Variants in RAB22A observed in about 807,000 individuals in gnomAD.
RAB22A encodes RAB22A, member RAS oncogene family, also known as ras-related protein Rab-22A.
Under a neutral mutation model 30.2 loss-of-function variants are expected in RAB22A, and 13 were observed. The ratio of observed to expected loss-of-function variants is 0.43; its 90% CI spans 0.28 to 0.68. The LOEUF is 0.68. Ranked by LOEUF, RAB22A falls within the 30% of genes least tolerant of loss-of-function variation. The probability of loss-of-function intolerance (pLI) is 0.18; values close to 1 mark genes in which losing one functional copy is unlikely to be tolerated. For synonymous variants in RAB22A, 89 were observed against 87.2 expected, an observed-to-expected ratio of 1.02 and a Z score of -0.11; for missense variants, 177 against 246.8, an observed-to-expected ratio of 0.72 and a Z score of 1.89.
intron 3 of RAB22A, among the ~76,000 whole-genome samples, chr20:58,346,541 A>G (rs1756310381): frequency 6.6e-6 from 1 of 152,136 alleles, no homozygotes; most frequent in Non-Finnish European, 1.5e-5. Flanking sequence ...AATGTGATGC[A>G]CTCAGAGTTT....
intron 3 of RAB22A, 66 bp downstream of exon 3, chr20:58,343,865 G>A (rs1986899922): frequency 1.6e-6 from 2 of 1,265,990 alleles, no homozygotes; most frequent in African/African-American, 3.0e-5. Context: ...TAAACTGTCA[G>A]CATCCCTGTC....
At chr20:58,333,392 A>G (rs1456522387) in intron 2 of RAB22A, among the ~76,000 whole-genome samples, 1 of 152,190 alleles carries the variant, frequency 6.6e-6, no homozygotes, top group Non-Finnish European at 1.5e-5. Context: ...ACTTTCTTCA[A>G]AAATAAAGGT....
intron 2 of RAB22A, 37 bp from the exon 3 acceptor site, chr20:58,343,680 CA>C (rs763122015): frequency 4.4e-5 from 66 of 1,517,190 alleles, no homozygotes; most frequent in Admixed American, 6.8e-5. Context: ...ACGTGCTTTA[CA>C]TAATTGTATT....
At chr20:58,356,080 A>G (rs1249586033) in intron 6 of RAB22A, among the ~76,000 whole-genome samples, 1 of 152,140 alleles carries the variant, frequency 6.6e-6, no homozygotes, top group Non-Finnish European at 1.5e-5. Flanking sequence ...GGAAGCCAAC[A>G]TGGGTGGATC....
chr20:58,358,724 G>T (rs1600744466), intron 6 of RAB22A, among the ~76,000 whole-genome samples: 1 of 152,040 alleles, frequency 6.6e-6, no homozygotes, highest in African/African-American at 2.4e-5. Context: ...GCGAAACCTG[G>T]TCTCTACTAA....
At chr20:58,318,888 C>T (rs1307702435) in intron 2 of RAB22A, among the ~76,000 whole-genome samples, 2 of 152,178 alleles carry the variant, frequency 1.3e-5, no homozygotes, top group Non-Finnish European at 2.9e-5. Flanking sequence ...TTTGTGCCTA[C>T]ATTTGCACAT....
chr20:58,323,674 TG>T (rs1986502597), intron 2 of RAB22A, among the ~76,000 whole-genome samples: 1 of 151,308 alleles, frequency 6.6e-6, no homozygotes, highest in African/African-American at 2.4e-5. Flanking sequence ...GTCACTATGT[TG>T]TTCGGGATAG....
At chr20:58,357,817 A>G (rs1463385470) in intron 6 of RAB22A, among the ~76,000 whole-genome samples, 1 of 152,224 alleles carries the variant, frequency 6.6e-6, no homozygotes, top group Non-Finnish European at 1.5e-5. Context: ...AGATCCGCAG[A>G]CAACTCAAAG....
rs1987337794 is a variant in RAB22A at position 58,367,383 on chromosome 20, A to C, written c.*7680A>C. 1 of 152,604 alleles carries C rather than the reference A, an allele frequency of 6.6e-6. No individual in the cohort carries two copies. The highest frequency in any genetic ancestry group is 1.5e-5 in the Non-Finnish European group (1 of 68,034). The allele number at this position is 152,604 out of a possible 1,614,324, so 9.5% of individuals were successfully genotyped here. On this transcript the variant is annotated 3_prime_UTR_variant, in exon 7 of 7. Transcript: ENST00000244040. ...TGAAAGTTGATTTGCCATACTTTTA[A>C]ATAATATTGTTTTAGCTTGAATATT... is the stretch of plus-strand genomic sequence containing the variant.
chr20:58,323,560 A>T (rs1406719153), intron 2 of RAB22A, among the ~76,000 whole-genome samples: 1 of 151,346 alleles, frequency 6.6e-6, no homozygotes, highest in African/African-American at 2.4e-5. Flanking sequence ...CCATCATACC[A>T]TTATGTTTGC....
At chr20:58,312,790 GC>G (rs1207791927) in intron 2 of RAB22A, among the ~76,000 whole-genome samples, 2 of 151,976 alleles carry the variant, frequency 1.3e-5, no homozygotes, top group Admixed American at 6.6e-5. Flanking sequence ...GTGCCTGGCC[GC>G]CTATCTGCTT....
chr20:58,323,576 G>A (rs191704702), intron 2 of RAB22A, among the ~76,000 whole-genome samples: 1 of 147,372 alleles, frequency 6.8e-6, no homozygotes, highest in East Asian at 2.0e-4. Flanking sequence ...TTTGCTATAG[G>A]TTTTTTGTAC....
In RAB22A at chr20:58,309,899, GGGGAT is replaced by G; in HGVS notation, c.-76_-72del. 8.2e-7 allele frequency: 1 copy of G among 1,226,746 alleles called. No individual in the cohort carries two copies. The highest frequency in any genetic ancestry group is 1.0e-6 in the Non-Finnish European group (1 of 969,362). The allele number at this position is 1,226,746 out of a possible 1,614,324, so 76.0% of individuals were successfully genotyped here. On this transcript the variant is annotated 5_prime_UTR_variant, in exon 1 of 7. It removes an upstream start codon present in the reference 5' UTR. Coordinates refer to ENST00000244040, the MANE Select transcript of RAB22A (RefSeq NM_020673.3). ...GGGCCGTGCGGCGGCAGCGGCGCCAGGGGATGCTCTTGCTGGGCCTGGCCTCTCCC... is the reference window on the plus strand; with the variant it reads ...GGGCCGTGCGGCGGCAGCGGCGCCAGGCTCTTGCTGGGCCTGGCCTCTCCC...
chr20:58,362,810 C>T lies in RAB22A; in HGVS notation c.*3107C>T, dbSNP rs1987248346. On this transcript the variant is annotated 3_prime_UTR_variant, in exon 7 of 7. Transcript: ENST00000244040. ...CCCGTTTATGATGTTGTTTGAAGTC[C>T]CTGTTTCCCATTGTGTACGCACTTT... is the stretch of plus-strand genomic sequence containing the variant. 6.6e-6 allele frequency: 1 copy of T among 152,178 alleles called. No individual in the cohort carries two copies. Among genetic ancestry groups the T allele is most frequent in the Non-Finnish European group, 1.5e-5 (1 of 68,030 alleles). The allele number at this position is 152,178 out of a possible 1,614,324, so 9.4% of individuals were successfully genotyped here.
At position 58,362,629 on chromosome 20, in the gene RAB22A, A is replaced by G. The variant is rs774657451; in HGVS notation, c.*2926A>G. 1.1e-4 allele frequency: 17 copies of G among 152,362 alleles called. No individual in the cohort carries two copies. The highest frequency in any genetic ancestry group is 1.1e-3 in the Admixed American group (17 of 15,308). 9.4% of individuals were successfully genotyped at this position (152,362 alleles called of 1,614,324 possible). On this transcript the variant is annotated 3_prime_UTR_variant, in exon 7 of 7. Transcript: ENST00000244040. ...CTCACACAAGTGTTTTTCTGATTCT[A>G]TGATAACTAATTAACCATCATCTGG...
intron 2 of RAB22A, among the ~76,000 whole-genome samples, chr20:58,322,227 AT>A (rs1426187667): frequency 6.6e-6 from 1 of 152,102 alleles, no homozygotes; most frequent in African/African-American, 2.4e-5. Flanking sequence ...ATTCTATTTG[AT>A]TATCTCTTCC....
chr20:58,331,643 T>G (rs1049181108), intron 2 of RAB22A, among the ~76,000 whole-genome samples: 3 of 152,204 alleles, frequency 2.0e-5, no homozygotes, highest in Non-Finnish European at 4.4e-5. Flanking sequence ...CTAGAAGTAT[T>G]TGGCATTATC....
chr20:58,338,588 A>G (rs1181520066), intron 2 of RAB22A, among the ~76,000 whole-genome samples: 3 of 152,206 alleles, frequency 2.0e-5, no homozygotes, highest in Non-Finnish European at 4.4e-5. Flanking sequence ...TGGAATGCAC[A>G]CAATACTTCA....
intron 2 of RAB22A, among the ~76,000 whole-genome samples, chr20:58,339,222 T>C (rs1051023787): frequency 1.3e-5 from 2 of 152,246 alleles, no homozygotes; most frequent in Admixed American, 6.5e-5. Flanking sequence ...ATGAAAAGCA[T>C]TCTAGCTTTA....
Sources: gnomAD v4.1 joint callset for allele counts (sites outside exome capture counted in the v4.1 genomes callset) on GRCh38, gnomAD v4.1.1 for gene constraint, MANE v1.5 for transcripts, NCBI Gene and HGNC (gene_info 2026-07-23, HGNC 2026-07-21) for gene names.